Variants in C2CD3 observed in about 807,000 individuals in gnomAD.
C2CD3 encodes C2 domain-containing protein 3.
Under a neutral mutation model 234.0 loss-of-function variants are expected in C2CD3, and 148 were observed. The ratio of observed to expected loss-of-function variants is 0.63; its 90% CI spans 0.55 to 0.72. C2CD3 has a LOEUF of 0.72. Ranked by LOEUF, C2CD3 falls within the 30% of genes least tolerant of loss-of-function variation. The pLI is 0.00. For missense variants in C2CD3, 2,577 were observed against 2,811.5 expected (o/e 0.92, Z 1.89); for synonymous variants, 1,000 against 1,035.4 (o/e 0.97, Z 0.66).
At chr11:74,122,479 A>G (rs1432019376) in intron 8 of C2CD3, among the ~76,000 whole-genome samples, 1 of 152,194 alleles carries the variant, frequency 6.6e-6, no homozygotes, top group African/African-American at 2.4e-5. Context: ...TAGTATGTAT[A>G]GATTCTAGAA....
intron 7 of C2CD3, among the ~76,000 whole-genome samples, chr11:74,127,321 A>G (rs1957445433): frequency 6.6e-6 from 1 of 152,200 alleles, no homozygotes; most frequent in South Asian, 2.1e-4. Flanking sequence ...TTCAATTAGC[A>G]TGTTTTTAAG....
intron 21 of C2CD3, 32 bp from the exon 22 acceptor site, chr11:74,085,002 T>C (rs772019639): frequency 7.9e-7 from 1 of 1,261,348 alleles, no homozygotes; most frequent in African/African-American, 1.5e-5. Context: ...AAAAATTATT[T>C]GATGGTCTAT....
intron 3 of C2CD3, among the ~76,000 whole-genome samples, chr11:74,140,179 G>A (rs1958007402): frequency 1.3e-5 from 2 of 151,944 alleles, no homozygotes; most frequent in African/African-American, 4.8e-5. Flanking sequence ...TTCCTTACAA[G>A]ATTAATGTCC....
intron 32 of C2CD3, among the ~76,000 whole-genome samples, chr11:74,025,833 C>T (rs1303757823): frequency 2.6e-5 from 4 of 152,056 alleles, no homozygotes; most frequent in South Asian, 4.2e-4. Flanking sequence ...AAGTGTGTCT[C>T]GGGAAGGTTG....
chr11:74,068,123 C>G (rs1475064278), intron 24 of C2CD3, among the ~76,000 whole-genome samples: 1 of 152,192 alleles, frequency 6.6e-6, no homozygotes, highest in African/African-American at 2.4e-5. Flanking sequence ...GCTCACTCCT[C>G]TAGCCCTTCT....
chr11:74,017,077 T>C (rs977366733), intron 32 of C2CD3, among the ~76,000 whole-genome samples: 4 of 151,934 alleles, frequency 2.6e-5, no homozygotes, highest in African/African-American at 4.8e-5. Flanking sequence ...GCTAGGAAAG[T>C]GGTGGGGGTG....
rs562248776 is a variant in C2CD3 at position 74,128,773 on chromosome 11, T to A, written c.1217+4071A>T. On this transcript the variant is annotated intron_variant, in intron 7 of 32. Transcript: ENST00000334126. The stretch of plus-strand genomic sequence containing the variant: ...TTAACGAGCATGCTGCCTTCAAGCA[T>A]CTGTTTAACAAAGCACATCTTGCAC... 3.1e-5 allele frequency: 5 copies of A among 161,106 alleles called. No individual in the cohort carries two copies. In the South Asian group the frequency reaches 7.1e-4, roughly 23 times the overall value. 10.0% of individuals were successfully genotyped at this position (161,106 alleles called of 1,614,324 possible).
chr11:74,106,594 C>T lies in C2CD3; in HGVS notation c.1963-101G>A. 3.5e-6 allele frequency: 4 copies of T among 1,137,292 alleles called. No homozygotes were observed. The South Asian group carries it at 6.2e-5, about 18-fold the overall frequency. The allele number at this position is 1,137,292 out of a possible 1,614,324, so 70.5% of individuals were successfully genotyped here. On this transcript the variant is annotated intron_variant, in intron 12 of 32. Transcript: ENST00000334126. ...ATGATGGCTTATAAAGGAAACCATT[C>T]AGGAAGAAAAAAGCTTAATTATCTA... is the stretch of plus-strand genomic sequence containing the variant.
intron 24 of C2CD3, among the ~76,000 whole-genome samples, chr11:74,060,944 G>C (rs1469229977): frequency 1.3e-5 from 2 of 152,212 alleles, no homozygotes; most frequent in African/African-American, 4.8e-5. Context: ...ACCTGATGGA[G>C]CTGAAAACCA....
intron 32 of C2CD3, among the ~76,000 whole-genome samples, chr11:74,020,158 C>A (rs1327670823): frequency 6.6e-6 from 1 of 152,220 alleles, no homozygotes; most frequent in Non-Finnish European, 1.5e-5. Context: ...CAGGAAGGCA[C>A]AGAGCAAGAC....
intron 32 of C2CD3, among the ~76,000 whole-genome samples, chr11:74,027,138 G>C (rs1006862935): frequency 6.6e-6 from 1 of 151,834 alleles, no homozygotes; most frequent in Admixed American, 6.6e-5. Flanking sequence ...ATATAGTCTC[G>C]CTGTGTCATC....
In C2CD3 at chr11:74,095,430, CT is replaced by C. The variant is rs140789701; in HGVS notation, c.2980-23del. On this transcript the variant is annotated intron_variant, in intron 16 of 32. Transcript: ENST00000334126. ...CTGCCTATTAAATGAAACAGAAACA[CT>C]GGTGAGCTTTAAAGAGTAACTTGCT... 14,251 of 1,594,400 alleles carry C rather than the reference CT, an allele frequency of 8.9e-3. 979 individuals carry two copies. The African/African-American group carries it at 0.16, about 18-fold the overall frequency.
At chr11:74,049,260 T>C (rs761904993) in intron 27 of C2CD3, 77 bp downstream of exon 27, 66 of 1,216,152 alleles carry the variant, frequency 5.4e-5, no homozygotes, top group Middle Eastern at 2.0e-4. Context: ...AGCCGGAGAG[T>C]GCCAAACATG....
At chr11:74,040,908 G>GCA (rs148961390) in intron 29 of C2CD3, among the ~76,000 whole-genome samples, 57 of 144,746 alleles carry the variant, frequency 3.9e-4, no homozygotes, top group East Asian at 8.1e-4. Flanking sequence ...ACACACACAC[G>GCA]CACACACACA....
At chr11:74,083,350 CATAGGCA>C (rs1955480275) in intron 22 of C2CD3, among the ~76,000 whole-genome samples, 1 of 152,136 alleles carries the variant, frequency 6.6e-6, no homozygotes, top group Non-Finnish European at 1.5e-5. Flanking sequence ...TAGAAGAAAA[CATAGGCA>C]ATACCATTCA....
chr11:74,095,445 G>C (rs1217834031), intron 16 of C2CD3, 37 bp from the exon 17 acceptor site: 2 of 1,528,414 alleles, frequency 1.3e-6, no homozygotes, highest in Non-Finnish European at 1.8e-6. Context: ...GAGCTTTAAA[G>C]AGTAACTTGC....
chr11:74,131,352 A>C (rs573058602), intron 7 of C2CD3, among the ~76,000 whole-genome samples: 4 of 151,460 alleles, frequency 2.6e-5, no homozygotes, highest in African/African-American at 9.7e-5. Context: ...CTATCTGTCT[A>C]TCTCTCTCTC....
At chr11:74,160,424 T>C (rs7119710) in intron 3 of C2CD3, among the ~76,000 whole-genome samples, 27,412 of 152,056 alleles carry the variant, frequency 0.18, 2,667 homozygotes, top group East Asian at 0.3. Context: ...AATGAAATCC[T>C]GCTATTTGTG....
intron 3 of C2CD3, among the ~76,000 whole-genome samples, chr11:74,144,610 C>T (rs960272533): frequency 6.6e-5 from 10 of 152,114 alleles, no homozygotes; most frequent in African/African-American, 1.9e-4. Context: ...TCCCACTCTC[C>T]TCCTTCAAGT....
Sources: allele counts gnomAD v4.1 joint callset (sites outside exome capture counted in the v4.1 genomes callset), GRCh38; gene constraint gnomAD v4.1.1; transcripts MANE v1.5; gene names NCBI Gene and HGNC (gene_info 2026-07-23, HGNC 2026-07-21).